ZDHHC20: variants seen among roughly 807,000 people sequenced by gnomAD.
ZDHHC20 encodes palmitoyltransferase ZDHHC20.
In ZDHHC20, 43 loss-of-function variants were observed where a neutral mutation model predicts 57.8. The ratio of observed to expected loss-of-function variants is 0.74; its 90% CI spans 0.58 to 0.96. The LOEUF (loss-of-function observed/expected upper bound fraction) is 0.96. Among genes scored for constraint, ZDHHC20 ranks in the 40% least tolerant of loss-of-function variants. ZDHHC20 has a pLI of 0.00. For missense variants in ZDHHC20, 391 were observed against 441.1 expected (o/e 0.89, Z 1.02); for synonymous variants, 157 against 153.0 (o/e 1.03, Z -0.19).
rs539215362 is a variant in ZDHHC20 at position 21,410,239 on chromosome 13, C to T, written c.370+3413G>A. On this transcript the variant is annotated intron_variant, in intron 4 of 12. Transcript: ENST00000400590. ...GGCTGCAGAACAGCAAAGATTGCTG[C>T]CTGCTCCTTCCTCTGGAAGCTTCCT... is the stretch of plus-strand genomic sequence containing the variant. Among the ~76,000 whole-genome samples, 11 of 152,316 alleles carry T rather than the reference C, an allele frequency of 7.2e-5. No homozygotes were observed. The South Asian group carries it at 2.3e-3, about 32-fold the overall frequency.
chr13:21,383,384 G>GT (rs1873792478), intron 9 of ZDHHC20, among the ~76,000 whole-genome samples: 1 of 152,170 alleles, frequency 6.6e-6, no homozygotes, highest in Non-Finnish European at 1.5e-5. Flanking sequence ...CATATAAAAC[G>GT]TGAGTTGCTT....
At chr13:21,377,785 G>A (rs76773190) in intron 12 of ZDHHC20, 5,614 of 153,480 alleles carry the variant, frequency 0.037, 173 homozygotes, top group Non-Finnish European at 0.047. Context: ...GCCCACAAGT[G>A]AGGAAACAGA....
chr13:21,420,154 A>G (rs969767921), intron 3 of ZDHHC20, among the ~76,000 whole-genome samples: 4 of 152,180 alleles, frequency 2.6e-5, no homozygotes, highest in Admixed American at 2.0e-4. Flanking sequence ...GGGCATGGTG[A>G]TGCGTGCCTG....
Position 21,387,537 on chromosome 13 carries a change from C to T in ZDHHC20, c.825G>A (p.Lys275=), listed in dbSNP as rs1383967444. The change falls in exon 9 of 13, where the codon AAG becomes AAA. Residue 275 remains lysine, a synonymous_variant. Transcript: ENST00000400590. ...KNWRQVFGDE[K]KYWLLPIFSS... ...AAAATATTGGAAGTAGCCAATATTT[C>T]TTTTCATCACCAAAGACTTGTCTCC... is the stretch of plus-strand genomic sequence containing the variant. 1 of 1,535,076 alleles carries T rather than the reference C, an allele frequency of 6.5e-7. No individual in the cohort carries two copies. The highest frequency in any genetic ancestry group is 2.0e-5 in the Admixed American group (1 of 49,130).
At chr13:21,386,181 G>A (rs1874442682) in intron 9 of ZDHHC20, among the ~76,000 whole-genome samples, 1 of 152,140 alleles carries the variant, frequency 6.6e-6, no homozygotes, top group Non-Finnish European at 1.5e-5. Flanking sequence ...TATACAAAAT[G>A]AAACACAGAA....
intron 11 of ZDHHC20, among the ~76,000 whole-genome samples, chr13:21,381,163 C>A (rs1873332066): frequency 1.3e-5 from 2 of 152,040 alleles, no homozygotes; most frequent in African/African-American, 4.8e-5. Context: ...CCCGCCACCA[C>A]GCCCGGCTAA....
At chr13:21,381,102 G>A (rs1873316098) in intron 11 of ZDHHC20, among the ~76,000 whole-genome samples, 1 of 151,946 alleles carries the variant, frequency 6.6e-6, no homozygotes, top group Non-Finnish European at 1.5e-5. Context: ...CGCCTCCCGG[G>A]TTCAAGCCAT....
intron 7 of ZDHHC20, among the ~76,000 whole-genome samples, chr13:21,399,978 A>AGG (rs1838856296): frequency 6.6e-6 from 1 of 151,734 alleles, no homozygotes; most frequent in Non-Finnish European, 1.5e-5. Flanking sequence ...CTATAAAGAC[A>AGG]GGAAGCAGTT....
chr13:21,393,699 CAAAAAAAAAAAAAAAAA>C (rs71093307), intron 7 of ZDHHC20, among the ~76,000 whole-genome samples: 1 of 63,392 alleles, frequency 1.6e-5, no homozygotes, highest in African/African-American at 7.5e-5. Flanking sequence ...GCAAGTCTCA[CAAAAAAAAAAAAAAAAA>C]AAAAAAAAAA....
intron 10 of ZDHHC20, 124 bp downstream of exon 10, chr13:21,382,796 C>T (rs1017874230): frequency 1.3e-6 from 1 of 767,124 alleles, no homozygotes; most frequent in South Asian, 2.3e-5. Flanking sequence ...ATTTAAATTT[C>T]TCTTTCCCTA....
At chr13:21,405,723 C>T (rs1331142827) in intron 4 of ZDHHC20, among the ~76,000 whole-genome samples, 2 of 152,144 alleles carry the variant, frequency 1.3e-5, no homozygotes, top group Non-Finnish European at 1.5e-5. Context: ...TCCACTATCG[C>T]TTAAAATTAT....
intron 1 of ZDHHC20, among the ~76,000 whole-genome samples, chr13:21,432,567 C>T (rs570039607): frequency 6.6e-6 from 1 of 152,182 alleles, no homozygotes; most frequent in South Asian, 2.1e-4. Context: ...CTCCTGACCT[C>T]GTGATCCACC....
chr13:21,413,776 T>TA lies in ZDHHC20; in HGVS notation c.250-5dup. On this transcript the variant is annotated splice_polypyrimidine_tract_variant and splice_region_variant and intron_variant, in intron 3 of 12. Coordinates refer to ENST00000400590, the MANE Select transcript of ZDHHC20 (RefSeq NM_001330059.2). ...TTTCAGAATTGGACAAGTAGAACTA[T>TA]AAAAGGAAAGAGGACTATTAAATTT... 6.2e-7 allele frequency: 1 copy of TA among 1,604,532 alleles called. No homozygotes were observed. Among genetic ancestry groups the TA allele is most frequent in the Non-Finnish European group, 8.5e-7 (1 of 1,176,174 alleles).
intron 1 of ZDHHC20, among the ~76,000 whole-genome samples, chr13:21,433,121 A>G (rs950178180): frequency 1.2e-4 from 19 of 152,096 alleles, no homozygotes; most frequent in African/African-American, 4.6e-4. Context: ...CCATATAAAT[A>G]CTTACTTATT....
intron 1 of ZDHHC20, among the ~76,000 whole-genome samples, chr13:21,434,519 T>TA (rs1882346160): frequency 6.6e-6 from 1 of 152,344 alleles, no homozygotes; most frequent in South Asian, 2.1e-4. Context: ...ATGTTCATAT[T>TA]AGAGTTTAAT....
chr13:21,391,300 G>A (rs1368798923), intron 8 of ZDHHC20, among the ~76,000 whole-genome samples: 4 of 152,060 alleles, frequency 2.6e-5, no homozygotes, highest in African/African-American at 9.7e-5. Flanking sequence ...GACACTGTAT[G>A]AATGCAGGAA....
At chr13:21,417,516 T>G (rs1277676707) in intron 3 of ZDHHC20, among the ~76,000 whole-genome samples, 1 of 152,200 alleles carries the variant, frequency 6.6e-6, no homozygotes, top group Non-Finnish European at 1.5e-5. Context: ...CTTGGCTTAC[T>G]GCATCCTCTG....
At chr13:21,378,838 TG>T (rs1236262272) in intron 11 of ZDHHC20, 100 bp from the exon 12 acceptor site, 12 of 601,094 alleles carry the variant, frequency 2.0e-5, no homozygotes, top group Non-Finnish European at 2.3e-5. Flanking sequence ...ATGACTATCA[TG>T]TAAATACAAA....
At chr13:21,455,087 A>AT (rs1436107541) in intron 1 of ZDHHC20, among the ~76,000 whole-genome samples, 1 of 151,956 alleles carries the variant, frequency 6.6e-6, no homozygotes, top group Non-Finnish European at 1.5e-5. Context: ...CACTCGGCTA[A>AT]TTTTTTGTAT....
Sources: gnomAD v4.1 joint callset for allele counts (sites outside exome capture counted in the v4.1 genomes callset) on GRCh38, gnomAD v4.1.1 for gene constraint, MANE v1.5 for transcripts, NCBI Gene and HGNC (gene_info 2026-07-23, HGNC 2026-07-21) for gene names.